Variants in NEB observed in about 807,000 individuals in gnomAD.
The protein encoded by NEB is nemaline myopathy type 2.
Under a neutral mutation model 952.2 loss-of-function variants are expected in NEB, and 512 were observed. That is an observed-to-expected ratio of 0.54 (90% CI 0.50 to 0.58). The LOEUF is 0.58. Ranked by LOEUF, NEB falls within the 20% of genes least tolerant of loss-of-function variation. NEB has a pLI of 0.00. For missense variants in NEB, 8,428 were observed against 9,231.1 expected, an observed-to-expected ratio of 0.91 and a Z score of 3.56; for synonymous variants, 2,900 against 3,149.8, an observed-to-expected ratio of 0.92 and a Z score of 2.66.
At chr2:151,650,943 T>C in intron 52 of NEB, 58 bp from the exon 53 acceptor site, 1 of 1,458,218 alleles carries the variant, frequency 6.9e-7, no homozygotes, top group East Asian at 2.3e-5. Context: ...AAGCTCAACT[T>C]GCTTTTTTTT....
At chr2:151,706,809 G>T (rs1314469258) in intron 13 of NEB, 72 bp downstream of exon 13, 1 of 1,047,944 alleles carries the variant, frequency 9.5e-7, no homozygotes, top group Non-Finnish European at 1.4e-6. Context: ...TATTCATTTA[G>T]TCATTAAAGG....
Position 151,576,345 on chromosome 2 carries a change from T to G in NEB, c.16714A>C (p.Lys5572Gln). 6.3e-7 allele frequency: 1 copy of G among 1,593,884 alleles called. No homozygotes were observed. The highest frequency in any genetic ancestry group is 8.6e-7 in the Non-Finnish European group (1 of 1,167,132). The change falls in exon 106 of 182, where the codon AAG (lysine) becomes CAG (glutamine). Residue 5572 changes from lysine to glutamine, a missense_variant. Around this residue, in one of 11 missense-constraint regions of NEB, gnomAD observed 3,374 missense variants for 3,651.5 expected, o/e 0.92. Coordinates refer to ENST00000397345, the MANE Select transcript of NEB (RefSeq NM_001164508.2). ...CCACGCAACCACTCCAAGTCAGCCT[T>G]GTAGAGGGCCTGAAAAAGAAAACAC... ...AYDLQSDALYKADLEWLRGIG... is the reference protein window; with the variant it reads ...AYDLQSDALYQADLEWLRGIG...
chr2:151,515,533 C>T (rs895537545), intron 157 of NEB, among the ~76,000 whole-genome samples: 1 of 152,040 alleles, frequency 6.6e-6, no homozygotes, highest in Non-Finnish European at 1.5e-5. Context: ...TTTTAAAAAT[C>T]ACTGAATAGC....
intron 54 of NEB, among the ~76,000 whole-genome samples, chr2:151,649,703 T>C (rs1036111566): frequency 3.0e-4 from 45 of 152,334 alleles, no homozygotes; most frequent in Non-Finnish European, 6.2e-4. Flanking sequence ...AGAAAATAAG[T>C]TGAAGATGGA....
chr2:151,572,204 C>T (rs2096653298), intron 107 of NEB, among the ~76,000 whole-genome samples: 1 of 152,040 alleles, frequency 6.6e-6, no homozygotes, highest in African/African-American at 2.4e-5. Flanking sequence ...CACCTGTAAT[C>T]CCAGCTACTA....
chr2:151,616,268 T>C (rs935772293), intron 75 of NEB, among the ~76,000 whole-genome samples, 159 bp from the exon 76 acceptor site: 1 of 152,096 alleles, frequency 6.6e-6, no homozygotes, highest in Admixed American at 6.6e-5. Flanking sequence ...GTGCTTAGGA[T>C]TTTTAAGGCA....
intron 76 of NEB, among the ~76,000 whole-genome samples, chr2:151,615,265 T>A (rs781387174): frequency 4.6e-5 from 7 of 152,238 alleles, no homozygotes; most frequent in Non-Finnish European, 1.0e-4. Flanking sequence ...GATTGAGATC[T>A]GTTTCAGATA....
intron 125 of NEB, 90 bp downstream of exon 125, chr2:151,554,841 A>G (rs927609942): frequency 6.2e-6 from 6 of 969,786 alleles, no homozygotes; most frequent in Admixed American, 1.7e-5. Context: ...AGTGCACTCT[A>G]TGATGTTAGC....
intron 34 of NEB, among the ~76,000 whole-genome samples, chr2:151,677,219 A>G (rs2099368021): frequency 6.6e-6 from 1 of 152,202 alleles, no homozygotes; most frequent in African/African-American, 2.4e-5. Flanking sequence ...AATCTGCCAC[A>G]ATAAAGTGTC....
chr2:151,692,336 C>T lies in NEB; in HGVS notation c.1923G>A (p.Lys641=), dbSNP rs1415324813. ...SDRLYKENYE[K]TKAKSMNYCE... is the part of the protein sequence containing the mutation. ...AGTAATTCATACTCTTTGCCTTTGT[C>T]TTCTCATAGTTTTCCTTGTATAATC... Residue 641 remains lysine (K), a synonymous_variant, in exon 21 of 182, where the codon AAG becomes AAA. Transcript: ENST00000397345. The T allele has an allele frequency of 6.2e-7, 1 of 1,611,908 alleles. No homozygotes were observed. The highest frequency in any genetic ancestry group is 8.5e-7 in the Non-Finnish European group (1 of 1,178,544).
chr2:151,558,067 G>C (rs139367082), intron 124 of NEB, among the ~76,000 whole-genome samples: 11 of 152,286 alleles, frequency 7.2e-5, no homozygotes, highest in African/African-American at 2.6e-4. Flanking sequence ...TAGGAAAAGA[G>C]GAAGTCAAAT....
intron 31 of NEB, 40 bp downstream of exon 31, chr2:151,679,878 G>A: frequency 8.1e-6 from 13 of 1,607,470 alleles, no homozygotes; most frequent in Non-Finnish European, 1.1e-5. Context: ...TGTTAGTAAA[G>A]TCTGGACATA....
rs1182151988 is a variant in NEB, at chr2:151,485,641, A to T, written c.*119T>A. 4 of 959,038 alleles carry T rather than the reference A, an allele frequency of 4.2e-6. No homozygotes were observed. The highest frequency in any genetic ancestry group is 6.1e-6 in the Non-Finnish European group (4 of 659,558). 59.4% of individuals were successfully genotyped at this position (959,038 alleles called of 1,614,324 possible). ...AGAAAGGATGGTACTACCATAAATC[A>T]CATTGACACAGAAAAACCATAGGCA... On this transcript the variant is annotated 3_prime_UTR_variant, in exon 182 of 182. Transcript: ENST00000397345.
intron 32 of NEB, among the ~76,000 whole-genome samples, chr2:151,679,370 A>G (rs1017006793): frequency 6.6e-6 from 1 of 152,196 alleles, no homozygotes; most frequent in African/African-American, 2.4e-5. Flanking sequence ...AGGAAATCAT[A>G]TAAATTAATA....
At chr2:151,531,668 C>A in intron 144 of NEB, 124 bp downstream of exon 144, 1 of 745,140 alleles carries the variant, frequency 1.3e-6, no homozygotes. Flanking sequence ...GGACATCTCG[C>A]ACCCCTGCCT....
chr2:151,508,104 C>T lies in NEB; in HGVS notation c.23352G>A (p.Lys7784=). Reference sequence around the variant, plus strand: ...TGGACTTCTCAGCATCTTCCTTGTACTTTTTCTGGGAATAGATTCCAAGAA... The same window carrying T: ...TGGACTTCTCAGCATCTTCCTTGTATTTTTTCTGGGAATAGATTCCAAGAA... The part of the protein sequence containing the change: ...QQVKNLSSQK[K]YKEDAEKSMS... The change falls in exon 162 of 182, where the codon AAG becomes AAA. Residue 7784 remains lysine, a synonymous_variant. Coordinates refer to ENST00000397345, the MANE Select transcript of NEB (RefSeq NM_001164508.2). The T allele has an allele frequency of 6.2e-7, 1 of 1,600,652 alleles. No individual in the cohort carries two copies. Among genetic ancestry groups the T allele is most frequent in the Non-Finnish European group, 8.5e-7 (1 of 1,171,880 alleles).
intron 142 of NEB, 57 bp downstream of exon 142, chr2:151,535,634 C>A: frequency 9.0e-7 from 1 of 1,112,444 alleles, no homozygotes; most frequent in South Asian, 1.5e-5. Flanking sequence ...TAAAAAAACT[C>A]TGAGACTTCT....
chr2:151,650,666 C>T lies in NEB; in HGVS notation c.7135G>A (p.Val2379Met), dbSNP rs762314316. The change falls in exon 53 of 182, where the codon GTG (valine) becomes ATG (methionine). Residue 2379 changes from valine (V) to methionine (M), a missense_variant. Physicochemically the swap from Val to Met is conservative, Grantham distance 21. This residue lies in a region of NEB where 1,772 missense variants were observed against 1,960.3 expected (regional missense o/e 0.90). Transcript: ENST00000397345. ...TGATGCAGGTAGTTCTTGTAGTCCACGTCACTAACCAACTCCTGACACTTC... is the reference window on the plus strand; with the variant it reads ...TGATGCAGGTAGTTCTTGTAGTCCATGTCACTAACCAACTCCTGACACTTC... ...AKKCQELVSD[V>M]DYKNYLHQWT... 2.5e-6 allele frequency: 4 copies of T among 1,613,568 alleles called. No homozygotes were observed. Among genetic ancestry groups the T allele is most frequent in the South Asian group, 1.1e-5 (1 of 91,044 alleles).
At chr2:151,547,107 C>T (rs2094811744) in intron 133 of NEB, among the ~76,000 whole-genome samples, 1 of 152,064 alleles carries the variant, frequency 6.6e-6, no homozygotes. Flanking sequence ...GGAAAATACT[C>T]AACATGACCT....
Sources: gnomAD v4.1 joint callset for allele counts (sites outside exome capture counted in the v4.1 genomes callset) on GRCh38, gnomAD v4.1.1 for gene constraint, gnomAD v4.1.1 regional missense constraint, MANE v1.5 for transcripts, NCBI Gene and HGNC (gene_info 2026-07-23, HGNC 2026-07-21) for gene names.